The following CTNND2 variants were observed in gnomAD, a reference collection of about 807,000 sequenced individuals.
CTNND2 encodes the protein catenin delta-2.
Under a neutral mutation model 144.4 loss-of-function variants are expected in CTNND2, and 22 were observed. The ratio of observed to expected loss-of-function variants is 0.15; its 90% CI spans 0.11 to 0.22. The LOEUF is 0.22. Among genes scored for constraint, CTNND2 ranks in the 10% least tolerant of loss-of-function variants. CTNND2 has a pLI of 1.00. For synonymous variants in CTNND2, 751 were observed against 695.6 expected, an observed-to-expected ratio of 1.08 and a Z score of -1.25; for missense variants, 1,353 against 1,618.8, an observed-to-expected ratio of 0.84 and a Z score of 2.82.
chr5:11,136,654 A>G (rs569963170), intron 12 of CTNND2, among the ~76,000 whole-genome samples: 1 of 152,324 alleles, frequency 6.6e-6, no homozygotes, highest in South Asian at 2.1e-4. Flanking sequence ...ACTTCAAAGC[A>G]TTTCCAGAAT....
At chr5:11,809,400 A>C (rs950033991) in intron 1 of CTNND2, among the ~76,000 whole-genome samples, 3 of 152,216 alleles carry the variant, frequency 2.0e-5, no homozygotes, top group Admixed American at 2.0e-4. Flanking sequence ...AGTCATCTTT[A>C]CTTAGAATAT....
chr5:11,138,161 T>C (rs536482907), intron 12 of CTNND2, among the ~76,000 whole-genome samples: 3 of 152,332 alleles, frequency 2.0e-5, no homozygotes, highest in South Asian at 2.1e-4. Context: ...TCTTGGCGTG[T>C]GGCCTCCTTT....
intron 3 of CTNND2, among the ~76,000 whole-genome samples, chr5:11,499,647 A>T (rs1006458516): frequency 1.3e-5 from 2 of 152,212 alleles, no homozygotes; most frequent in Non-Finnish European, 2.9e-5. Context: ...TATCCTGATT[A>T]ATAGCAATTC....
At chr5:11,508,233 T>A (rs1420415220) in intron 3 of CTNND2, 3 of 152,228 alleles carry the variant, frequency 2.0e-5, no homozygotes, top group Non-Finnish European at 4.4e-5. Flanking sequence ...CCTTTACTTA[T>A]GGACAAAACC....
intron 11 of CTNND2, among the ~76,000 whole-genome samples, chr5:11,190,880 G>A (rs1388131152): frequency 1.3e-5 from 2 of 152,172 alleles, no homozygotes; most frequent in Non-Finnish European, 2.9e-5. Flanking sequence ...AATGCTTTCA[G>A]GTTCACGAAC....
chr5:11,358,066 T>C (rs1002008055), intron 8 of CTNND2, among the ~76,000 whole-genome samples: 7 of 152,146 alleles, frequency 4.6e-5, no homozygotes, highest in African/African-American at 1.7e-4. Context: ...CTTCTATTCT[T>C]TTCAACATTG....
At chr5:11,099,281 G>C (rs868170760) in intron 14 of CTNND2, among the ~76,000 whole-genome samples, 21 of 152,262 alleles carry the variant, frequency 1.4e-4, no homozygotes, top group Middle Eastern at 3.4e-3. Context: ...CGATAAAAGA[G>C]AGAAAACTGC....
At chr5:11,847,495 C>T (rs977250162) in intron 1 of CTNND2, among the ~76,000 whole-genome samples, 1 of 151,828 alleles carries the variant, frequency 6.6e-6, no homozygotes, top group Admixed American at 6.6e-5. Context: ...GAGGAGGAGG[C>T]AGGTAATAGG....
chr5:11,106,976 C>T (rs1289348692), intron 14 of CTNND2, among the ~76,000 whole-genome samples: 5 of 152,154 alleles, frequency 3.3e-5, no homozygotes, highest in African/African-American at 9.7e-5. Flanking sequence ...AGGCAGCACC[C>T]TGAAGATGAG....
intron 1 of CTNND2, among the ~76,000 whole-genome samples, chr5:11,829,434 A>G (rs1793770771): frequency 6.6e-6 from 1 of 152,170 alleles, no homozygotes. Context: ...TGTACAGCCT[A>G]GGGACTTGGT....
In CTNND2 at chr5:11,346,641, G is replaced by T; in HGVS notation, c.1373-14C>A. ...GGGAAGATGGGGCTACGACAGGAAA[G>T]TAGGGACAAAGTAAAAAATTGAGGA... is the stretch of plus-strand genomic sequence containing the variant. On this transcript the variant is annotated splice_polypyrimidine_tract_variant and intron_variant, in intron 8 of 21. Transcript: ENST00000304623. 6.9e-7 allele frequency: 1 copy of T among 1,447,688 alleles called. No homozygotes were observed. The allele number at this position is 1,447,688 out of a possible 1,614,324, so 89.7% of individuals were successfully genotyped here. A position where few individuals can be genotyped will look rare whatever the true frequency, so the allele number is the denominator to read the frequency against.
At chr5:11,415,728 G>T (rs949873602) in intron 3 of CTNND2, among the ~76,000 whole-genome samples, 1 of 152,116 alleles carries the variant, frequency 6.6e-6, no homozygotes, top group Non-Finnish European at 1.5e-5. Flanking sequence ...CCAGTACTCA[G>T]TAAAGTCCAG....
rs1376145282 is a variant in CTNND2, at chr5:11,446,252, C to T, written c.288-34183G>A. Among the ~76,000 whole-genome samples the T allele has an allele frequency of 2.0e-5, 3 of 152,124 alleles. No homozygotes were observed. In the East Asian group the frequency reaches 5.8e-4, roughly 29 times the overall value. On this transcript the variant is annotated intron_variant, in intron 3 of 21. Transcript: ENST00000304623. ...CCTCCCAAAGTGCTGGGATTACAGG[C>T]GTGAGTCACCGTGCCCAGTACTAGA...
At chr5:11,583,254 G>T (rs1778577866) in intron 2 of CTNND2, among the ~76,000 whole-genome samples, 1 of 152,214 alleles carries the variant, frequency 6.6e-6, no homozygotes. Context: ...GCTCCATGCT[G>T]ATCAGTGGCT....
intron 2 of CTNND2, among the ~76,000 whole-genome samples, chr5:11,665,256 T>G (rs1783498988): frequency 1.3e-5 from 2 of 152,202 alleles, no homozygotes; most frequent in Admixed American, 6.6e-5. Context: ...GCCTGTGACT[T>G]TCAGCTCCAC....
intron 1 of CTNND2, among the ~76,000 whole-genome samples, chr5:11,864,315 T>G (rs1414706741): frequency 6.6e-6 from 1 of 152,222 alleles, no homozygotes; most frequent in Non-Finnish European, 1.5e-5. Context: ...TGCCAGTATT[T>G]AGTAGAAATC....
intron 1 of CTNND2, among the ~76,000 whole-genome samples, chr5:11,762,731 T>C (rs1168584911): frequency 6.6e-6 from 1 of 152,154 alleles, no homozygotes; most frequent in African/African-American, 2.4e-5. Flanking sequence ...TGTACAGCAA[T>C]ACATCTTCCA....
At chr5:11,119,674 C>T (rs1301054699) in intron 12 of CTNND2, among the ~76,000 whole-genome samples, 10 of 152,320 alleles carry the variant, frequency 6.6e-5, no homozygotes, top group Non-Finnish European at 1.0e-4. Context: ...ATAAGTTTGT[C>T]AAAGATTCTG....
At chr5:11,081,872 T>TGGG (rs1467770255) in intron 16 of CTNND2, among the ~76,000 whole-genome samples, 6 of 152,292 alleles carry the variant, frequency 3.9e-5, no homozygotes, top group Admixed American at 1.3e-4. Context: ...TGTTTGCCTT[T>TGGG]GGGGTGATGA....
Sources: allele counts gnomAD v4.1 joint callset (sites outside exome capture counted in the v4.1 genomes callset), GRCh38; gene constraint gnomAD v4.1.1; transcripts MANE v1.5; gene names NCBI Gene and HGNC (gene_info 2026-07-23, HGNC 2026-07-21).